The following ODF2L variants were observed in gnomAD, a reference collection of about 807,000 sequenced individuals.
ODF2L encodes the protein protein BCAP.
A neutral mutation model predicts 86.3 loss-of-function variants in ODF2L; 76 were observed. The ratio of observed to expected loss-of-function variants is 0.88; its 90% CI spans 0.73 to 1.07. The LOEUF (loss-of-function observed/expected upper bound fraction) is 1.07. ODF2L is among the 50% of genes least tolerant of loss of function. ODF2L has a pLI of 0.00. For missense variants in ODF2L, 748 were observed against 717.4 expected (o/e 1.04, Z -0.49); for synonymous variants, 241 against 231.3 (o/e 1.04, Z -0.38).
intron 11 of ODF2L, among the ~76,000 whole-genome samples, chr1:86,367,422 T>C (rs1387638546): frequency 6.6e-6 from 1 of 152,090 alleles, no homozygotes; most frequent in Non-Finnish European, 1.5e-5. Flanking sequence ...AATTCCAGCA[T>C]GGCATCTAGG....
chr1:86,357,757 A>G, intron 13 of ODF2L: 1 of 978,908 alleles, frequency 1.0e-6, no homozygotes, highest in African/African-American at 1.7e-5. Flanking sequence ...TTCATTAAAA[A>G]AATAGTTGTC....
chr1:86,372,180 T>C, intron 9 of ODF2L, among the ~76,000 whole-genome samples: 1 of 135,786 alleles, frequency 7.4e-6, no homozygotes, highest in African/African-American at 2.7e-5. Flanking sequence ...AAAGTGAGAC[T>C]CCATCTCAAA....
intron 9 of ODF2L, among the ~76,000 whole-genome samples, chr1:86,371,984 G>A (rs34750609): frequency 0.015 from 2,233 of 151,998 alleles, 19 homozygotes; most frequent in Non-Finnish European, 0.025. Context: ...TCAGGAGATC[G>A]AGACCATCCT....
chr1:86,376,313 T>C, exon 8 of ODF2L: 1 of 1,612,700 alleles, frequency 6.2e-7, no homozygotes, highest in South Asian at 1.1e-5. Flanking sequence ...TTAGATGCCT[T>C]TTTTAAAGCT....
intron 14 of ODF2L, chr1:86,355,061 C>A (rs1658432822): frequency 3.7e-6 from 2 of 544,362 alleles, no homozygotes; most frequent in Non-Finnish European, 6.5e-6. Context: ...AGTTATGTTG[C>A]CTGTATTGGA....
At chr1:86,392,645 C>T (rs1013528882) in intron 1 of ODF2L, among the ~76,000 whole-genome samples, 1 of 151,988 alleles carries the variant, frequency 6.6e-6, no homozygotes, top group Admixed American at 6.6e-5. Context: ...AATCAGTGGA[C>T]TTTGGAGATT....
At chr1:86,354,504 A>G in intron 16 of ODF2L, 26 bp downstream of exon 15, 1 of 1,484,970 alleles carries the variant, frequency 6.7e-7, no homozygotes, top group Non-Finnish European at 9.2e-7. Flanking sequence ...TGAATTAAAA[A>G]GTTTCTAAAT....
chr1:86,373,201 A>G (rs1363374840), intron 8 of ODF2L, among the ~76,000 whole-genome samples: 1 of 152,144 alleles, frequency 6.6e-6, no homozygotes, highest in Non-Finnish European at 1.5e-5. Context: ...ACATAGTGGA[A>G]GTTTCAACTT....
chr1:86,384,764 T>C lies in ODF2L; in HGVS notation c.284A>G (p.Gln95Arg), dbSNP rs1448997627. ...TAATTCTTTTATTAATATTTCCTTC[T>C]GTTCAGAAATCTTCAAATTCAATGC... is the stretch of plus-strand genomic sequence containing the variant. The change falls in exon 4 of 18, where the codon CAG becomes CGG. Residue 95 changes from glutamine (Q) to arginine (R), a missense_variant. Gln to Arg is a conservative substitution (Grantham distance 43). Transcript: ENST00000317336. The C allele has an allele frequency of 4.1e-5, 62 of 1,524,382 alleles. No homozygotes were observed. The highest frequency in any genetic ancestry group is 8.9e-5 in the Admixed American group (4 of 45,064). 94.4% of individuals were successfully genotyped at this position (1,524,382 alleles called of 1,614,324 possible).
intron 2 of ODF2L, 102 bp from the exon 3 acceptor site, chr1:86,385,692 A>G (rs979592492): frequency 1.3e-5 from 10 of 794,074 alleles, no homozygotes; most frequent in Non-Finnish European, 2.0e-5. Context: ...AATAGCAAGG[A>G]CAACTTTTAG....
chr1:86,384,855 C>T, intron 3 of ODF2L, 54 bp from the exon 4 acceptor site: 1 of 1,342,422 alleles, frequency 7.4e-7, no homozygotes, highest in Non-Finnish European at 9.8e-7. Context: ...TTAAATAAAA[C>T]CCTCTAAAAT....
exon 1 of ODF2L, chr1:86,396,037 C>A (rs890065129): frequency 6.6e-6 from 1 of 152,348 alleles, no homozygotes; most frequent in African/African-American, 2.4e-5. Context: ...ACTTACGCCC[C>A]CGCCGCTGCG....
chr1:86,390,685 A>G (rs1661262893), intron 1 of ODF2L, among the ~76,000 whole-genome samples: 1 of 152,242 alleles, frequency 6.6e-6, no homozygotes, highest in African/African-American at 2.4e-5. Context: ...ACATACCTCA[A>G]TGTAATAAAA....
intron 7 of ODF2L, chr1:86,382,018 T>A (rs1660622710): frequency 2.5e-6 from 1 of 402,400 alleles, no homozygotes; most frequent in South Asian, 1.2e-4. Flanking sequence ...ATTCCATAAA[T>A]CCTTCCTAGA....
chr1:86,385,765 C>G (rs1476122793), intron 2 of ODF2L, 175 bp from the exon 3 acceptor site: 4 of 455,828 alleles, frequency 8.8e-6, no homozygotes, highest in Non-Finnish European at 1.6e-5. Flanking sequence ...CTTTATTTTA[C>G]TTATATTTTA....
chr1:86,366,861 G>A (rs770581502), intron 11 of ODF2L, among the ~76,000 whole-genome samples: 48 of 151,988 alleles, frequency 3.2e-4, no homozygotes, highest in African/African-American at 1.1e-3. Flanking sequence ...AATACAATCA[G>A]CAGTACACCC....
exon 18 of ODF2L, chr1:86,351,194 T>C (rs1658111617): frequency 1.3e-5 from 2 of 152,232 alleles, no homozygotes; most frequent in East Asian, 1.9e-4. Flanking sequence ...TGGTATTGCC[T>C]AGGTTTTCCT....
chr1:86,386,595 C>G (rs1265099880), intron 2 of ODF2L: 1 of 242,730 alleles, frequency 4.1e-6, no homozygotes, highest in African/African-American at 2.2e-5. Context: ...ACCATGTTGG[C>G]CAGGCTGATC....
exon 4 of ODF2L, chr1:86,384,733 G>A (rs755130242): frequency 3.9e-6 from 6 of 1,528,650 alleles, no homozygotes; most frequent in East Asian, 4.9e-5. Flanking sequence ...CACTTTTGAA[G>A]GTGTCTAATT....
Sources: gnomAD v4.1 joint callset for allele counts (sites outside exome capture counted in the v4.1 genomes callset) on GRCh38, gnomAD v4.1.1 for gene constraint, MANE v1.5 for transcripts, NCBI Gene and HGNC (gene_info 2026-07-23, HGNC 2026-07-21) for gene names.